MKX: variants seen among roughly 807,000 people sequenced by gnomAD.
The protein encoded by MKX is homeobox protein Mohawk.
In MKX, 13 loss-of-function variants were observed where a neutral mutation model predicts 36.0. That is an observed-to-expected ratio of 0.36 (90% CI 0.24 to 0.57). MKX has a LOEUF of 0.57. Ranked by LOEUF, MKX falls within the 20% of genes least tolerant of loss-of-function variation. The pLI is 0.79. For synonymous variants in MKX, 176 were observed against 178.3 expected, an observed-to-expected ratio of 0.99 and a Z score of 0.10; for missense variants, 458 against 456.4, an observed-to-expected ratio of 1.00 and a Z score of -0.03.
At chr10:27,730,292 TA>T (rs1215272704) in intron 5 of MKX, among the ~76,000 whole-genome samples, 1 of 152,202 alleles carries the variant, frequency 6.6e-6, no homozygotes, top group Non-Finnish European at 1.5e-5. Context: ...AATGTCTATG[TA>T]AAATCAATAA....
intron 5 of MKX, among the ~76,000 whole-genome samples, chr10:27,699,351 A>C (rs1836611480): frequency 6.6e-6 from 1 of 152,224 alleles, no homozygotes; most frequent in African/African-American, 2.4e-5. Context: ...GGAGTTATTC[A>C]GTGACTGAAA....
At chr10:27,713,083 T>G (rs1203508477) in intron 5 of MKX, among the ~76,000 whole-genome samples, 1 of 152,158 alleles carries the variant, frequency 6.6e-6, no homozygotes, top group Non-Finnish European at 1.5e-5. Flanking sequence ...GGAGTATATT[T>G]CACATCTGAA....
chr10:27,734,884 A>T (rs1037053072), intron 4 of MKX, 93 bp from the exon 5 acceptor site: 13 of 706,894 alleles, frequency 1.8e-5, no homozygotes, highest in Non-Finnish European at 2.7e-5. Context: ...TATATAAAGG[A>T]AATATATTTA....
At chr10:27,700,680 C>T (rs555627747) in intron 5 of MKX, among the ~76,000 whole-genome samples, 1 of 152,218 alleles carries the variant, frequency 6.6e-6, no homozygotes, top group Non-Finnish European at 1.5e-5. Flanking sequence ...TTATTATACT[C>T]CCTAGTGATC....
intron 1 of MKX, 147 bp from the exon 2 acceptor site, chr10:27,743,644 C>A: frequency 3.8e-6 from 2 of 520,524 alleles, no homozygotes; most frequent in Non-Finnish European, 6.6e-6. Flanking sequence ...CCCTGCGGCT[C>A]TCCCCAGTTG....
intron 5 of MKX, among the ~76,000 whole-genome samples, chr10:27,686,295 G>A (rs1042252620): frequency 2.6e-5 from 4 of 151,686 alleles, no homozygotes; most frequent in Non-Finnish European, 5.9e-5. Flanking sequence ...TTTATCCTCG[G>A]GGTATAAACA....
intron 5 of MKX, among the ~76,000 whole-genome samples, chr10:27,695,855 G>A (rs1447899284): frequency 6.6e-6 from 1 of 152,230 alleles, no homozygotes; most frequent in African/African-American, 2.4e-5. Context: ...AATGAGAGCT[G>A]TGTGGGACAA....
intron 5 of MKX, among the ~76,000 whole-genome samples, chr10:27,687,436 G>T (rs1334874774): frequency 2.0e-5 from 3 of 152,176 alleles, no homozygotes; most frequent in Non-Finnish European, 4.4e-5. Flanking sequence ...TTCTACAAGA[G>T]TACCAATGCC....
chr10:27,734,471 A>T lies in MKX; in HGVS notation c.823T>A (p.Phe275Ile). ...ACGGACTTACCTGTGCGATAGACAA[A>T]GTTGCCTTCAGTTTCTGATGACGAT... is the stretch of plus-strand genomic sequence containing the variant. ...SPSSSETEGN[F>I]VYRTDTLENG... Residue 275 changes from phenylalanine to isoleucine, a missense_variant, in exon 5 of 7, where the codon TTT becomes ATT. Physicochemically the swap from Phe to Ile is conservative, Grantham distance 21. This residue lies in a region of MKX where 297 missense variants were observed against 304.4 expected (regional missense o/e 0.98). Coordinates refer to ENST00000419761, the MANE Select transcript of MKX (RefSeq NM_173576.3). The T allele has an allele frequency of 1.2e-6, 2 of 1,614,036 alleles. No homozygotes were observed. Among genetic ancestry groups the T allele is most frequent in the South Asian group, 2.2e-5 (2 of 91,068 alleles).
At chr10:27,697,600 C>A (rs1363034561) in intron 5 of MKX, among the ~76,000 whole-genome samples, 2 of 152,220 alleles carry the variant, frequency 1.3e-5, no homozygotes, top group African/African-American at 4.8e-5. Context: ...CAGATCTTCT[C>A]ATTTCAAGTG....
At chr10:27,743,676 A>C (rs1834975673) in intron 1 of MKX, 179 bp from the exon 2 acceptor site, 7 of 483,444 alleles carry the variant, frequency 1.4e-5, no homozygotes, top group Non-Finnish European at 2.2e-5. Context: ...CCGCCCCTGC[A>C]GGTTCCCCGG....
At chr10:27,699,191 G>C (rs1013910732) in intron 5 of MKX, among the ~76,000 whole-genome samples, 2 of 152,144 alleles carry the variant, frequency 1.3e-5, no homozygotes, top group African/African-American at 4.8e-5. Flanking sequence ...AAAGCTAGAA[G>C]TCTCAAGGCA....
intron 5 of MKX, among the ~76,000 whole-genome samples, chr10:27,733,466 AT>A (rs1834679168): frequency 6.6e-6 from 1 of 152,208 alleles, no homozygotes; most frequent in African/African-American, 2.4e-5. Context: ...AGTAGTAGGG[AT>A]AATAATAGTG....
rs954602218 is a variant in MKX at position 27,682,745 on chromosome 10, C to T, written c.839-7191G>A. On this transcript the variant is annotated intron_variant, in intron 5 of 6. Coordinates refer to ENST00000419761, the MANE Select transcript of MKX (RefSeq NM_173576.3). ...CTTATAATCACAGCACTTTGGGAGG[C>T]CGAGGCGGGTGGATCACAAGGTCAG... is the stretch of plus-strand genomic sequence containing the variant. 3.3e-5 allele frequency among the ~76,000 whole-genome samples: 5 copies of T among 151,856 alleles called. No homozygotes were observed. The South Asian group carries it at 6.2e-4, about 19-fold the overall frequency.
At chr10:27,679,970 C>T (rs961816405) in intron 5 of MKX, among the ~76,000 whole-genome samples, 3 of 152,224 alleles carry the variant, frequency 2.0e-5, no homozygotes, top group South Asian at 2.1e-4. Context: ...GGTCCTGACA[C>T]ATCTGTCCAC....
intron 5 of MKX, among the ~76,000 whole-genome samples, chr10:27,698,301 T>C (rs951907968): frequency 6.6e-6 from 1 of 152,066 alleles, no homozygotes; most frequent in African/African-American, 2.4e-5. Context: ...CTCACTAATA[T>C]TGAAATAATA....
At chr10:27,685,690 T>C (rs1340476180) in intron 5 of MKX, among the ~76,000 whole-genome samples, 2 of 152,150 alleles carry the variant, frequency 1.3e-5, no homozygotes, top group Non-Finnish European at 2.9e-5. Context: ...AACCTTGTGA[T>C]CCACCCGCCT....
chr10:27,676,303 T>G lies in MKX; in HGVS notation c.839-749A>C, dbSNP rs572458880. On this transcript the variant is annotated intron_variant, in intron 5 of 6. Transcript: ENST00000419761. Reference sequence around the variant, plus strand: ...AAAATTAAAATAAAAAAGGGGGGGGTTCTAGAAAATCTTGGGGGTGCTTCT... The same window carrying G: ...AAAATTAAAATAAAAAAGGGGGGGGGTCTAGAAAATCTTGGGGGTGCTTCT... Among the ~76,000 whole-genome samples, 334 of 120,916 alleles carry G rather than the reference T, an allele frequency of 2.8e-3. 4 individuals carry two copies. Among genetic ancestry groups the G allele is most frequent in the African/African-American group, 9.6e-3 (312 of 32,578 alleles). 79.3% of individuals were successfully genotyped at this position (120,916 alleles called of 152,430 possible).
At chr10:27,716,909 T>TA (rs1453371931) in intron 5 of MKX, among the ~76,000 whole-genome samples, 1 of 152,144 alleles carries the variant, frequency 6.6e-6, no homozygotes, top group Non-Finnish European at 1.5e-5. Context: ...CAGTTGACCT[T>TA]AAATAGGAAG....
Sources: allele counts gnomAD v4.1 joint callset (sites outside exome capture counted in the v4.1 genomes callset), GRCh38; gene constraint gnomAD v4.1.1; regional missense constraint gnomAD v4.1.1; transcripts MANE v1.5; gene names NCBI Gene and HGNC (gene_info 2026-07-23, HGNC 2026-07-21).